BIRC6: variants seen among roughly 807,000 people sequenced by gnomAD.
BIRC6 encodes dual E2 ubiquitin-conjugating enzyme/E3 ubiquitin-protein ligase BIRC6.
In BIRC6, 98 loss-of-function variants were observed where a neutral mutation model predicts 503.3. The observed-to-expected ratio is 0.19, with a 90% confidence interval of 0.17 to 0.23. The LOEUF (loss-of-function observed/expected upper bound fraction) is 0.23, where lower values mean the gene tolerates loss of function less well. BIRC6 is among the 10% of genes least tolerant of loss of function. BIRC6 has a pLI of 1.00. For synonymous variants in BIRC6, 2,240 were observed against 2,078.7 expected, an observed-to-expected ratio of 1.08 and a Z score of -2.11; for missense variants, 5,360 against 5,806.0, an observed-to-expected ratio of 0.92 and a Z score of 2.50.
intron 66 of BIRC6, among the ~76,000 whole-genome samples, chr2:32,581,878 T>C (rs962670220): frequency 6.6e-6 from 1 of 152,174 alleles, no homozygotes; most frequent in Non-Finnish European, 1.5e-5. Context: ...ATTTATTTAT[T>C]TTGAGACGGA....
Position 32,380,025 on chromosome 2 carries a change from GTAAGT to G in BIRC6, c.508-126_508-122del, listed in dbSNP as rs552913289. The G allele has an allele frequency of 8.4e-4, 449 of 534,448 alleles. 1 individual carries two copies. The highest frequency in any genetic ancestry group is 8.2e-3 in the African/African-American group (424 of 51,628). 33.1% of individuals were successfully genotyped at this position (534,448 alleles called of 1,614,324 possible). A position where few individuals can be genotyped will look rare whatever the true frequency, so the allele number is the denominator to read the frequency against. ...TTTAATTAAGTAGATTTGTTAAAAG[GTAAGT>G]TTAGTATAGTACCTGTCATAATCAT... On this transcript the variant is annotated intron_variant, in intron 2 of 73. Coordinates refer to ENST00000421745, the MANE Select transcript of BIRC6 (RefSeq NM_016252.4).
intron 40 of BIRC6, among the ~76,000 whole-genome samples, chr2:32,486,855 A>T (rs1159737511): frequency 6.6e-6 from 1 of 152,190 alleles, no homozygotes; most frequent in Non-Finnish European, 1.5e-5. Context: ...CTTGTATCTT[A>T]TCTCCCAGGC....
rs2048795209 is a variant in BIRC6, at chr2:32,468,517, A to G, written c.5861A>G (p.Gln1954Arg). ...CCTCTAAACAGTGCTAACAATGCAC[A>G]GTACTTTTTACGAAAACCAGATAAG... Reference protein sequence around the residue: ...LPPLNSANNAQYFLRKPDKAV... With the variant: ...LPPLNSANNARYFLRKPDKAV... Residue 1954 changes from glutamine to arginine, a missense_variant, in exon 29 of 74, where the codon CAG (glutamine) becomes CGG (arginine). Gln to Arg is a conservative substitution (Grantham distance 43, BLOSUM62 1). Transcript: ENST00000421745. 6.2e-7 allele frequency: 1 copy of G among 1,614,020 alleles called. No individual in the cohort carries two copies. The highest frequency in any genetic ancestry group is 8.5e-7 in the Non-Finnish European group (1 of 1,179,882).
chr2:32,472,642 T>A (rs1281141724), intron 32 of BIRC6, among the ~76,000 whole-genome samples: 1 of 152,046 alleles, frequency 6.6e-6, no homozygotes, highest in Non-Finnish European at 1.5e-5. Flanking sequence ...CTGGAAATAT[T>A]CCAAAAAAGG....
chr2:32,397,713 C>CACAT (rs1418847528), intron 6 of BIRC6, among the ~76,000 whole-genome samples: 2 of 150,128 alleles, frequency 1.3e-5, no homozygotes, highest in South Asian at 2.1e-4. Flanking sequence ...CACACACACA[C>CACAT]ATATATACAC....
chr2:32,509,059 C>G (rs1219577544), intron 51 of BIRC6, among the ~76,000 whole-genome samples: 1 of 145,504 alleles, frequency 6.9e-6, no homozygotes, highest in Non-Finnish European at 1.5e-5. Context: ...AGAGTGAACT[C>G]TGTCTTTAAA....
chr2:32,394,632 G>C (rs2149610725), intron 5 of BIRC6, among the ~76,000 whole-genome samples: 1 of 152,198 alleles, frequency 6.6e-6, no homozygotes, highest in Middle Eastern at 3.4e-3. Context: ...AGGAATTTGA[G>C]ACCAGCCTGG....
At chr2:32,518,706 A>G (rs1303574616) in intron 56 of BIRC6, 111 bp from the exon 57 acceptor site, 2 of 1,260,354 alleles carry the variant, frequency 1.6e-6, no homozygotes, top group African/African-American at 1.5e-5. Flanking sequence ...AATTAATTAT[A>G]TCTTGTAGGA....
At chr2:32,527,852 A>T (rs2056404238) in intron 59 of BIRC6, 1 of 152,226 alleles carries the variant, frequency 6.6e-6, no homozygotes, top group Admixed American at 6.5e-5. Context: ...TATGATAGTG[A>T]TGAAGAAGGT....
At chr2:32,431,937 AGT>A (rs1378167593) in intron 12 of BIRC6, among the ~76,000 whole-genome samples, 1 of 152,222 alleles carries the variant, frequency 6.6e-6, no homozygotes, top group Non-Finnish European at 1.5e-5. Context: ...AGAGTGAGAG[AGT>A]GAGAGAAAAA....
chr2:32,358,080 A>C (rs1323530769), intron 1 of BIRC6, among the ~76,000 whole-genome samples: 3 of 147,768 alleles, frequency 2.0e-5, no homozygotes, highest in Non-Finnish European at 4.5e-5. Flanking sequence ...TGGGGAGGGA[A>C]GTAGGCGGGC....
At chr2:32,546,279 T>C (rs1418717390) in intron 63 of BIRC6, among the ~76,000 whole-genome samples, 1 of 152,178 alleles carries the variant, frequency 6.6e-6, no homozygotes, top group African/African-American at 2.4e-5. Context: ...TTAATTGTAT[T>C]GTAGAACATA....
chr2:32,498,752 A>C (rs908425490), intron 45 of BIRC6, among the ~76,000 whole-genome samples: 3 of 151,932 alleles, frequency 2.0e-5, no homozygotes, highest in Non-Finnish European at 4.4e-5. Context: ...TGCCTGGCTA[A>C]TTTTTGTATT....
At chr2:32,565,705 G>C (rs748228653) in intron 65 of BIRC6, 2 of 152,202 alleles carry the variant, frequency 1.3e-5, no homozygotes, top group African/African-American at 2.4e-5. Context: ...AAGGAAAGAG[G>C]TTTAATTGAC....
At chr2:32,577,660 A>G (rs890433200) in intron 66 of BIRC6, among the ~76,000 whole-genome samples, 2 of 152,122 alleles carry the variant, frequency 1.3e-5, no homozygotes, top group South Asian at 2.1e-4. Context: ...TCTTTGGTCT[A>G]TTTGCTTTTC....
intron 24 of BIRC6, among the ~76,000 whole-genome samples, chr2:32,464,111 C>T (rs935649618): frequency 9.2e-5 from 14 of 152,136 alleles, no homozygotes; most frequent in Admixed American, 7.2e-4. Context: ...AAACTGGTCC[C>T]TGGTGTCAAA....
In BIRC6 at chr2:32,500,159, G is replaced by GT. The variant is rs749882149; in HGVS notation, c.9031+59dup. On this transcript the variant is annotated intron_variant, in intron 46 of 73. Coordinates refer to ENST00000421745, the MANE Select transcript of BIRC6 (RefSeq NM_016252.4). Reference sequence around the variant, plus strand: ...ACCATTGTCTCTGATACTATAACTGGTTTTTTTTTAAGCAATATATGGATT... The same window carrying GT: ...ACCATTGTCTCTGATACTATAACTGGTTTTTTTTTTAAGCAATATATGGATT... 1,836 of 1,423,374 alleles carry GT rather than the reference G, an allele frequency of 1.3e-3. 2 individuals are homozygous for GT. The highest frequency in any genetic ancestry group is 3.1e-3 in the South Asian group (225 of 72,074). The allele number at this position is 1,423,374 out of a possible 1,614,324, so 88.2% of individuals were successfully genotyped here. A position where few individuals can be genotyped will look rare whatever the true frequency, so the allele number is the denominator to read the frequency against.
chr2:32,430,096 G>C (rs2043931243), intron 11 of BIRC6, among the ~76,000 whole-genome samples: 1 of 152,160 alleles, frequency 6.6e-6, no homozygotes, highest in African/African-American at 2.4e-5. Context: ...TTGAGAAAAA[G>C]ATGTAATTTG....
chr2:32,387,203 A>G (rs2038589531), intron 3 of BIRC6, among the ~76,000 whole-genome samples: 1 of 151,906 alleles, frequency 6.6e-6, no homozygotes, highest in Non-Finnish European at 1.5e-5. Context: ...TAGTTGGGGT[A>G]TCATAGGATC....
Sources: gnomAD v4.1 joint callset for allele counts (sites outside exome capture counted in the v4.1 genomes callset) on GRCh38, gnomAD v4.1.1 for gene constraint, MANE v1.5 for transcripts, NCBI Gene and HGNC (gene_info 2026-07-23, HGNC 2026-07-21) for gene names.